SAP130: variants seen among roughly 807,000 people sequenced by gnomAD.
SAP130 encodes the protein Sin3A associated protein 130, also known as histone deacetylase complex subunit SAP130.
Under a neutral mutation model 103.2 loss-of-function variants are expected in SAP130, and 16 were observed. That is an observed-to-expected ratio of 0.16 (90% CI 0.10 to 0.24). The LOEUF (loss-of-function observed/expected upper bound fraction) is 0.24. Ranked by LOEUF, SAP130 falls within the 10% of genes least tolerant of loss-of-function variation. The pLI is 1.00. For synonymous variants in SAP130, 477 were observed against 497.0 expected (o/e 0.96, Z 0.53); for missense variants, 990 against 1,359.7 (o/e 0.73, Z 4.28).
At position 127,955,145 on chromosome 2, in the gene SAP130, C is replaced by G; in HGVS notation, c.2263G>C (p.Gly755Arg). The change falls in exon 16 of 21, where the codon GGA becomes CGA. Residue 755 changes from glycine to arginine, a missense_variant. Transcript: ENST00000643581. The surrounding 1 kb of genome is among the most constrained non-coding windows in gnomAD (Gnocchi z 4.9). ...ATGGGTGGAGTGATGGGGACCGCTC[C>G]AGGAATGGTTGAAAGGGCAACGGCT... The part of the protein sequence containing the change: ...QPAVALSTIP[G>R]AVPITPPITT... 2 of 1,614,104 alleles carry G rather than the reference C, an allele frequency of 1.2e-6. No individual in the cohort carries two copies. The highest frequency in any genetic ancestry group is 1.7e-6 in the Non-Finnish European group (2 of 1,180,012).
intron 12 of SAP130, among the ~76,000 whole-genome samples, chr2:127,990,957 G>C (rs1456669070): frequency 8.6e-6 from 1 of 116,414 alleles, no homozygotes; most frequent in African/African-American, 3.0e-5. Context: ...AAAAAAAAAA[G>C]TAAAAGAAAC....
At chr2:128,001,170 A>T (rs1191979255) in intron 7 of SAP130, among the ~76,000 whole-genome samples, 1 of 152,216 alleles carries the variant, frequency 6.6e-6, no homozygotes, top group Non-Finnish European at 1.5e-5. Context: ...AGAGGATGCC[A>T]AATTAATTGG....
At chr2:128,008,692 T>G (rs555002068) in intron 7 of SAP130, among the ~76,000 whole-genome samples, 8 of 151,820 alleles carry the variant, frequency 5.3e-5, no homozygotes, top group Admixed American at 2.0e-4. Flanking sequence ...CCTGTTTGTT[T>G]TTTTTTTGGT....
Position 128,003,957 on chromosome 2 carries a change from CTTTTTTTTTTTTTTTT to C in SAP130, c.870-3519_870-3504del, listed in dbSNP as rs61211577. ...ACTGTGTAGTTCTCCCACAGATCAG[CTTTTTTTTTTTTTTTT>C]TTTTTTTTTTTTTTTTGTTGACAGC... On this transcript the variant is annotated intron_variant, in intron 7 of 20. Transcript: ENST00000643581. Among the ~76,000 whole-genome samples, 218 of 67,926 alleles carry C rather than the reference CTTTTTTTTTTTTTTTT, an allele frequency of 3.2e-3. 1 individual carries two copies. Among genetic ancestry groups the C allele is most frequent in the South Asian group, 6.1e-3 (6 of 990 alleles). The allele number at this position is 67,926 out of a possible 152,430, so 44.6% of individuals were successfully genotyped here. A position where few individuals can be genotyped will look rare whatever the true frequency, so the allele number is the denominator to read the frequency against.
At chr2:128,016,780 A>C (rs1300034344) in intron 3 of SAP130, among the ~76,000 whole-genome samples, 1 of 152,210 alleles carries the variant, frequency 6.6e-6, no homozygotes, top group Non-Finnish European at 1.5e-5. Context: ...AGCCACACAC[A>C]CAGTAAGAAG....
intron 15 of SAP130, among the ~76,000 whole-genome samples, chr2:127,961,724 C>G (rs946533274): frequency 2.0e-5 from 3 of 152,144 alleles, no homozygotes; most frequent in Non-Finnish European, 4.4e-5. Context: ...CCCATCCTAC[C>G]AAGAAATGCA....
chr2:128,013,261 ATGGT>A, intron 5 of SAP130, 107 bp from the exon 6 acceptor site: 1 of 1,017,870 alleles, frequency 9.8e-7, no homozygotes, highest in Non-Finnish European at 1.4e-6. Context: ...GAGCTGAAGT[ATGGT>A]ATGTATACTT....
At chr2:128,022,634 T>G (rs541165774) in intron 2 of SAP130, among the ~76,000 whole-genome samples, 1 of 152,294 alleles carries the variant, frequency 6.6e-6, no homozygotes, top group Non-Finnish European at 1.5e-5. Context: ...TTGTCAGTCT[T>G]TGTAATTTCA....
chr2:128,005,709 C>T (rs1161362899), intron 7 of SAP130, among the ~76,000 whole-genome samples: 2 of 151,354 alleles, frequency 1.3e-5, no homozygotes, highest in Admixed American at 6.6e-5. Context: ...CGCAGTGGCG[C>T]GATCTTGGCT....
At chr2:127,959,757 T>C (rs927664839) in intron 15 of SAP130, among the ~76,000 whole-genome samples, 1 of 152,086 alleles carries the variant, frequency 6.6e-6, no homozygotes, top group Non-Finnish European at 1.5e-5. Context: ...GTAGATATCA[T>C]AAATATGTGT....
At chr2:128,001,932 C>CTT (rs111838724) in intron 7 of SAP130, among the ~76,000 whole-genome samples, 2 of 145,384 alleles carry the variant, frequency 1.4e-5, no homozygotes, top group South Asian at 2.2e-4. Flanking sequence ...GTGAAAAAAA[C>CTT]TTTTTTTTTT....
chr2:127,960,990 TTTC>T (rs931567798), intron 15 of SAP130, among the ~76,000 whole-genome samples: 3 of 151,452 alleles, frequency 2.0e-5, no homozygotes, highest in Non-Finnish European at 2.9e-5. Flanking sequence ...TCTTTCTTTC[TTTC>T]TTTTTTTTTT....
intron 15 of SAP130, among the ~76,000 whole-genome samples, chr2:127,974,891 C>G (rs1015201327): frequency 2.0e-5 from 3 of 151,346 alleles, no homozygotes; most frequent in Non-Finnish European, 4.4e-5. Flanking sequence ...CTATAGTATT[C>G]AGTACAGTAA....
intron 15 of SAP130, among the ~76,000 whole-genome samples, chr2:127,968,220 T>G (rs1315159908): frequency 6.6e-6 from 1 of 151,404 alleles, no homozygotes; most frequent in African/African-American, 2.4e-5. Flanking sequence ...GAGATTCTCC[T>G]GCCACAGCCT....
intron 18 of SAP130, among the ~76,000 whole-genome samples, chr2:127,947,943 C>T (rs1399597047): frequency 6.7e-6 from 1 of 150,368 alleles, no homozygotes; most frequent in Non-Finnish European, 1.5e-5. Context: ...GTGTGTACCA[C>T]CATGCCTGGC....
intron 1 of SAP130, chr2:128,027,197 G>C: frequency 8.2e-7 from 1 of 1,225,860 alleles, no homozygotes; most frequent in Non-Finnish European, 1.0e-6. Flanking sequence ...CGGGCGCGGG[G>C]AGGGATCGCG....
At chr2:127,988,573 G>T (rs563920088) in intron 13 of SAP130, among the ~76,000 whole-genome samples, 71 of 151,896 alleles carry the variant, frequency 4.7e-4, no homozygotes, top group Non-Finnish European at 9.3e-4. Context: ...TAACCTAGCT[G>T]GTGTAATGAC....
chr2:128,014,840 C>T lies in SAP130; in HGVS notation c.582G>A (p.Gly194=). The change falls in exon 5 of 21, where the codon GGG becomes GGA. Residue 194 remains glycine (G), a synonymous_variant. Transcript: ENST00000643581. Reference sequence around the variant, plus strand: ...GAGAAGCTCCAATGTGAAGAGGGGGCCCAGGAGCATTGCTGCGGATGATAG... The same window carrying T: ...GAGAAGCTCCAATGTGAAGAGGGGGTCCAGGAGCATTGCTGCGGATGATAG... ...QMSIIRSNAP[G]PPLHIGASHL... The T allele has an allele frequency of 6.2e-7, 1 of 1,614,028 alleles. No homozygotes were observed. The highest frequency in any genetic ancestry group is 1.7e-5 in the Admixed American group (1 of 60,018).
intron 1 of SAP130, among the ~76,000 whole-genome samples, chr2:128,026,608 C>T (rs1345110887): frequency 6.6e-6 from 1 of 152,216 alleles, no homozygotes; most frequent in African/African-American, 2.4e-5. Context: ...TACCACAATG[C>T]ATGTGTATTT....
Sources: allele counts gnomAD v4.1 joint callset (sites outside exome capture counted in the v4.1 genomes callset), GRCh38; gene constraint gnomAD v4.1.1; non-coding constraint Gnocchi (gnomAD v3.1); transcripts MANE v1.5; gene names NCBI Gene and HGNC (gene_info 2026-07-23, HGNC 2026-07-21).